SLC44A5: variants seen among roughly 807,000 people sequenced by gnomAD.
The protein encoded by SLC44A5 is choline transporter-like protein 5.
SLC44A5 carries 57 observed loss-of-function variants against 101.8 expected under a neutral mutation model. The ratio of observed to expected loss-of-function variants is 0.56; its 90% confidence interval spans 0.45 to 0.70. The LOEUF (loss-of-function observed/expected upper bound fraction) is 0.70, where lower values mean the gene tolerates loss of function less well. SLC44A5 is among the 30% of genes least tolerant of loss of function. SLC44A5 has a pLI of 0.00. For synonymous variants in SLC44A5, 281 were observed against 290.9 expected (o/e 0.97, Z 0.35); for missense variants, 737 against 853.1 (o/e 0.86, Z 1.70).
At chr1:75,437,292 A>G (rs1034040469) in intron 2 of SLC44A5, among the ~76,000 whole-genome samples, 2 of 152,132 alleles carry the variant, frequency 1.3e-5, no homozygotes, top group African/African-American at 4.8e-5. Context: ...CAACTCAACT[A>G]CAATATTACA....
At chr1:75,544,697 C>T (rs955747450) in intron 1 of SLC44A5, among the ~76,000 whole-genome samples, 1 of 152,150 alleles carries the variant, frequency 6.6e-6, no homozygotes, top group African/African-American at 2.4e-5. Context: ...CAATATACAG[C>T]CTATATTCAT....
Position 75,218,741 on chromosome 1 carries a change from T to C in SLC44A5, c.1278A>G (p.Thr426=), listed in dbSNP as rs1647015373. 3 of 1,611,012 alleles carry C rather than the reference T, an allele frequency of 1.9e-6. No individual in the cohort carries two copies. The Admixed American group carries it at 5.0e-5, about 27-fold the overall frequency. ...NQTCDPEIFN[T]TEIAKACPGA... ...CAGGGCAAGCTTTGGCAATTTCAGT[T>C]GTATTAAAAATCTGCATTGAGAAAA... Residue 426 remains threonine (T), a synonymous_variant, in exon 17 of 24, where the codon ACA becomes ACG. Transcript: ENST00000370859.
chr1:75,656,031 A>G, the SLC44A5 span, among the ~76,000 whole-genome samples: 1 of 152,204 alleles, frequency 6.6e-6, no homozygotes, highest in African/African-American at 2.4e-5. Context: ...CAAATAACAT[A>G]TAAAGGAGTT....
At chr1:75,406,240 A>G (rs961082451) in intron 2 of SLC44A5, among the ~76,000 whole-genome samples, 3 of 152,200 alleles carry the variant, frequency 2.0e-5, no homozygotes, top group Non-Finnish European at 2.9e-5. Flanking sequence ...AACCAAAAAA[A>G]GCCCAAGACC....
the SLC44A5 span, among the ~76,000 whole-genome samples, chr1:75,701,719 T>C: frequency 1.3e-5 from 2 of 152,138 alleles, no homozygotes; most frequent in African/African-American, 4.8e-5. Flanking sequence ...GTCAAATTGT[T>C]CCTGTTTGCC....
chr1:75,341,510 GGAAGA>G (rs1235859223), intron 3 of SLC44A5, among the ~76,000 whole-genome samples: 2 of 150,196 alleles, frequency 1.3e-5, no homozygotes, highest in Non-Finnish European at 3.0e-5. Context: ...AGGAAGGAAA[GGAAGA>G]GAAAAGAAAG....
chr1:75,286,466 C>T (rs1287715868), intron 5 of SLC44A5, among the ~76,000 whole-genome samples: 1 of 152,124 alleles, frequency 6.6e-6, no homozygotes, highest in African/African-American at 2.4e-5. Context: ...ACATCATTTA[C>T]ATTCAATGTT....
At chr1:75,477,728 G>C (rs539747359) in intron 2 of SLC44A5, among the ~76,000 whole-genome samples, 4 of 152,252 alleles carry the variant, frequency 2.6e-5, no homozygotes, top group African/African-American at 9.6e-5. Context: ...AACGAACAAA[G>C]CCTCCAAGAA....
chr1:75,399,147 C>T (rs2101420513), intron 2 of SLC44A5, among the ~76,000 whole-genome samples: 1 of 151,998 alleles, frequency 6.6e-6, no homozygotes, highest in South Asian at 2.1e-4. Context: ...GTGAGTCCTG[C>T]TCCTATTGTG....
the SLC44A5 span, among the ~76,000 whole-genome samples, chr1:75,722,961 T>G: frequency 6.6e-6 from 1 of 152,234 alleles, no homozygotes; most frequent in Non-Finnish European, 1.5e-5. Flanking sequence ...ATGCTTATAC[T>G]GGTCCAAGGA....
chr1:75,245,540 A>T (rs193165185), intron 7 of SLC44A5, among the ~76,000 whole-genome samples: 31 of 152,186 alleles, frequency 2.0e-4, no homozygotes, highest in African/African-American at 7.2e-4. Flanking sequence ...AATACACTTA[A>T]ATGGATTTAT....
At chr1:75,267,776 G>T (rs1651121988) in intron 6 of SLC44A5, among the ~76,000 whole-genome samples, 1 of 151,732 alleles carries the variant, frequency 6.6e-6, no homozygotes, top group African/African-American at 2.4e-5. Context: ...TCACCATGTT[G>T]CCCAGGCCAG....
At chr1:75,350,527 TA>T (rs1658566897) in intron 3 of SLC44A5, among the ~76,000 whole-genome samples, 1 of 150,160 alleles carries the variant, frequency 6.7e-6, no homozygotes, top group Non-Finnish European at 1.5e-5. Flanking sequence ...CTGTAAAAGA[TA>T]AAAGTGTCAC....
chr1:75,694,876 T>G, the SLC44A5 span, among the ~76,000 whole-genome samples: 2 of 152,186 alleles, frequency 1.3e-5, no homozygotes, highest in Non-Finnish European at 2.9e-5. Context: ...TAATAGCTTT[T>G]GTGGAGTTGG....
At chr1:75,645,106 T>C in the SLC44A5 span, among the ~76,000 whole-genome samples, 1 of 152,180 alleles carries the variant, frequency 6.6e-6, no homozygotes, top group Non-Finnish European at 1.5e-5. Context: ...TGTGTCTTTA[T>C]AGCATCATGA....
At chr1:75,679,505 C>G in the SLC44A5 span, among the ~76,000 whole-genome samples, 1 of 151,670 alleles carries the variant, frequency 6.6e-6, no homozygotes, top group Admixed American at 6.6e-5. Flanking sequence ...TCATATCCAG[C>G]CAAACTAAGC....
chr1:75,598,438 G>A (rs140351473), intron 1 of SLC44A5, among the ~76,000 whole-genome samples: 1 of 152,102 alleles, frequency 6.6e-6, no homozygotes, highest in African/African-American at 2.4e-5. Flanking sequence ...AAACCCAAAG[G>A]AATATAAATT....
chr1:75,335,000 T>C (rs1657331950), intron 4 of SLC44A5, among the ~76,000 whole-genome samples: 1 of 152,156 alleles, frequency 6.6e-6, no homozygotes, highest in African/African-American at 2.4e-5. Flanking sequence ...AGCTGTACAT[T>C]GCAGACCTGT....
intron 5 of SLC44A5, among the ~76,000 whole-genome samples, chr1:75,280,382 ATATATATTGTATATAT>A (rs1652384673): frequency 1.1e-5 from 1 of 94,280 alleles, no homozygotes; most frequent in African/African-American, 4.9e-5. Flanking sequence ...TATATATAAT[ATATATATTGTATATAT>A]TATATATTGT....
Sources: gnomAD v4.1 joint callset for allele counts (sites outside exome capture counted in the v4.1 genomes callset) on GRCh38, gnomAD v4.1.1 for gene constraint, MANE v1.5 for transcripts, NCBI Gene and HGNC (gene_info 2026-07-23, HGNC 2026-07-21) for gene names.